The following TBC1D19 variants were observed in gnomAD, a reference collection of about 807,000 sequenced individuals.
TBC1D19 encodes TBC1 domain family, member 19.
Under a neutral mutation model 89.0 loss-of-function variants are expected in TBC1D19, and 60 were observed. The observed-to-expected ratio is 0.67, with a 90% CI of 0.55 to 0.84. The LOEUF is 0.84. Ranked by LOEUF, TBC1D19 falls within the 40% of genes least tolerant of loss-of-function variation. The pLI, the probability that TBC1D19 is intolerant of heterozygous loss-of-function variation, is 0.00. For synonymous variants in TBC1D19, 189 were observed against 199.7 expected (o/e 0.95, Z 0.45); for missense variants, 500 against 610.8 (o/e 0.82, Z 1.91).
chr4:26,646,050 G>A (rs1743914498), intron 7 of TBC1D19, among the ~76,000 whole-genome samples: 1 of 149,988 alleles, frequency 6.7e-6, no homozygotes, highest in African/African-American at 2.5e-5. Context: ...GTGACCCCGG[G>A]AGGCGGAGCT....
chr4:26,701,600 C>T (rs1715339630), intron 13 of TBC1D19, among the ~76,000 whole-genome samples: 2 of 152,058 alleles, frequency 1.3e-5, no homozygotes, highest in South Asian at 4.1e-4. Flanking sequence ...TATCTAAAAG[C>T]TTAATGTTAG....
chr4:26,607,606 C>G (rs1211858976), intron 1 of TBC1D19, among the ~76,000 whole-genome samples: 1 of 152,060 alleles, frequency 6.6e-6, no homozygotes, highest in Non-Finnish European at 1.5e-5. Context: ...AAACTGTGTT[C>G]TATTATACCT....
the TBC1D19 span, among the ~76,000 whole-genome samples, chr4:26,791,832 CATAT>C: frequency 6.6e-6 from 1 of 152,154 alleles, no homozygotes; most frequent in Admixed American, 6.5e-5. Context: ...GTCTGAGATG[CATAT>C]TAGACATCCA....
chr4:26,610,086 C>T (rs1276143096), intron 1 of TBC1D19, among the ~76,000 whole-genome samples: 3 of 151,726 alleles, frequency 2.0e-5, no homozygotes, highest in Non-Finnish European at 2.9e-5. Flanking sequence ...GGCAAGAAGC[C>T]CAATTTAGAG....
the TBC1D19 span, among the ~76,000 whole-genome samples, chr4:26,798,531 C>G: frequency 1.3e-5 from 2 of 152,056 alleles, no homozygotes; most frequent in African/African-American, 4.8e-5. Context: ...ACCAGTTCAA[C>G]CCAGCAGTCT....
At chr4:26,726,960 AATC>A (rs1166178648) in intron 15 of TBC1D19, among the ~76,000 whole-genome samples, 1 of 152,228 alleles carries the variant, frequency 6.6e-6, no homozygotes, top group Non-Finnish European at 1.5e-5. Context: ...AAGGCCCATA[AATC>A]ATCACTTTAT....
In TBC1D19 at chr4:26,577,452, G is replaced by T. The variant is rs529390640; in HGVS notation, c.6+655G>T. Among the ~76,000 whole-genome samples the T allele has an allele frequency of 9.2e-5, 14 of 152,282 alleles. No individual in the cohort carries two copies. In the South Asian group the frequency reaches 2.9e-3, roughly 32 times the overall value. On this transcript the variant is annotated intron_variant, in intron 1 of 12. Coordinates refer to the TBC1D19 transcript ENST00000512840. ...TGGAAAGTCATGCTTAAAGTTGCAAGAACCCAGCCAAACAGTCCCCTCCTG... is the reference window on the plus strand; with the variant it reads ...TGGAAAGTCATGCTTAAAGTTGCAATAACCCAGCCAAACAGTCCCCTCCTG...
At chr4:26,660,299 G>T (rs1364901738) in intron 8 of TBC1D19, among the ~76,000 whole-genome samples, 2 of 152,130 alleles carry the variant, frequency 1.3e-5, no homozygotes, top group African/African-American at 2.4e-5. Flanking sequence ...TGTCTTTGGT[G>T]AAACTAGGAA....
intron 14 of TBC1D19, 124 bp from the exon 15 acceptor site, chr4:26,719,957 G>A (rs1211823801): frequency 3.1e-5 from 20 of 640,480 alleles, no homozygotes; most frequent in Non-Finnish European, 4.9e-5. Context: ...TTCATATCAT[G>A]AAATGACATA....
intron 16 of TBC1D19, among the ~76,000 whole-genome samples, chr4:26,736,604 A>G (rs1299896351): frequency 3.3e-5 from 5 of 152,354 alleles, no homozygotes; most frequent in African/African-American, 7.2e-5. Flanking sequence ...AGTCCAATGG[A>G]AACTAGAGAT....
chr4:26,826,464 A>G, the TBC1D19 span, among the ~76,000 whole-genome samples: 6 of 152,210 alleles, frequency 3.9e-5, no homozygotes, highest in Admixed American at 3.3e-4. Context: ...GAGGGGGGAA[A>G]AATAAGTGTC....
rs117833408 is a variant in TBC1D19, at chr4:26,724,305, G to T, written c.1084+4180G>T. On this transcript the variant is annotated intron_variant, in intron 15 of 20. Coordinates refer to ENST00000264866, the MANE Select transcript of TBC1D19 (RefSeq NM_018317.4). ...GGGATTTTTTATTATTTTTTTTCCT[G>T]TGAATGGGTTATACTTTTTTATTTC... Among the ~76,000 whole-genome samples the T allele has an allele frequency of 1.6e-3, 240 of 152,134 alleles. 5 individuals are homozygous for T. The East Asian group carries it at 0.039, about 25-fold the overall frequency.
chr4:26,595,422 T>C (rs1199990760), intron 1 of TBC1D19, among the ~76,000 whole-genome samples: 1 of 152,218 alleles, frequency 6.6e-6, no homozygotes, highest in African/African-American at 2.4e-5. Flanking sequence ...TTTAATGAAG[T>C]CTGATTGATC....
chr4:26,644,305 A>G (rs1317131114), intron 7 of TBC1D19, among the ~76,000 whole-genome samples: 1 of 152,238 alleles, frequency 6.6e-6, no homozygotes, highest in East Asian at 1.9e-4. Context: ...TCACATAAAC[A>G]GAACCAAAGA....
At chr4:26,672,232 A>G in intron 10 of TBC1D19, 45 bp downstream of exon 10, 1 of 1,285,732 alleles carries the variant, frequency 7.8e-7, no homozygotes, top group South Asian at 1.3e-5. Context: ...AAAGTGAGAC[A>G]GTCCCAGCTA....
chr4:26,794,745 A>G, the TBC1D19 span, among the ~76,000 whole-genome samples: 1 of 152,262 alleles, frequency 6.6e-6, no homozygotes, highest in South Asian at 2.1e-4. Flanking sequence ...TAGGCCATAG[A>G]AAATTTTTTT....
At chr4:26,714,612 G>A (rs1716458730) in intron 13 of TBC1D19, among the ~76,000 whole-genome samples, 1 of 151,982 alleles carries the variant, frequency 6.6e-6, no homozygotes, top group South Asian at 2.1e-4. Flanking sequence ...AATTTGGAAG[G>A]CCTTCTTTAA....
chr4:26,659,734 A>G (rs758182608), intron 8 of TBC1D19, 27 bp downstream of exon 8: 5 of 1,424,330 alleles, frequency 3.5e-6, no homozygotes, highest in South Asian at 1.3e-5. Flanking sequence ...AAAAATAAAC[A>G]TCATTTAGAA....
chr4:26,618,351 G>A (rs567479481), intron 3 of TBC1D19, among the ~76,000 whole-genome samples: 272 of 152,312 alleles, frequency 1.8e-3, no homozygotes, highest in African/African-American at 6.2e-3. Flanking sequence ...AGATCAGAAA[G>A]CTAAGCTAGA....
Sources: gnomAD v4.1 joint callset for allele counts (sites outside exome capture counted in the v4.1 genomes callset) on GRCh38, gnomAD v4.1.1 for gene constraint, MANE v1.5 for transcripts, NCBI Gene and HGNC (gene_info 2026-07-23, HGNC 2026-07-21) for gene names.